Variants in DNAAF4 observed in about 807,000 individuals in gnomAD.
DNAAF4 encodes dynein axonemal assembly factor 4.
A neutral mutation model predicts 51.8 loss-of-function variants in DNAAF4; 43 were observed. The observed-to-expected ratio is 0.83, with a 90% CI of 0.65 to 1.07. The LOEUF (loss-of-function observed/expected upper bound fraction) is 1.07, where lower values mean the gene tolerates loss of function less well. Ranked by LOEUF, DNAAF4 falls within the 50% of genes least tolerant of loss-of-function variation. The pLI, the probability that DNAAF4 is intolerant of heterozygous loss-of-function variation, is 0.00. For missense variants in DNAAF4, 581 were observed against 493.0 expected, an observed-to-expected ratio of 1.18 and a Z score of -1.69; for synonymous variants, 194 against 165.6, an observed-to-expected ratio of 1.17 and a Z score of -1.32.
chr15:55,496,254 G>A (rs968317410), intron 3 of DNAAF4, among the ~76,000 whole-genome samples: 2 of 151,962 alleles, frequency 1.3e-5, no homozygotes, highest in African/African-American at 4.8e-5. Context: ...ACAACAACTG[G>A]GGATTTCAAC....
intron 4 of DNAAF4, among the ~76,000 whole-genome samples, chr15:55,488,220 A>G (rs1203886042): frequency 6.6e-6 from 1 of 152,106 alleles, no homozygotes; most frequent in East Asian, 1.9e-4. Flanking sequence ...ATGAGAAAAT[A>G]AATTTCTGTT....
At chr15:55,489,100 A>AC (rs2058533381) in intron 4 of DNAAF4, among the ~76,000 whole-genome samples, 1 of 151,796 alleles carries the variant, frequency 6.6e-6, no homozygotes, top group African/African-American at 2.4e-5. Flanking sequence ...AAAAAAAAAA[A>AC]CAAAAAACAA....
rs144791174 is a variant in DNAAF4 at position 55,500,141 on chromosome 15, C to G, written c.-255-1557G>C. 1.4e-3 allele frequency among the ~76,000 whole-genome samples: 213 copies of G among 152,112 alleles called. 2 individuals carry two copies. Among genetic ancestry groups the G allele is most frequent in the African/African-American group, 4.9e-3 (204 of 41,498 alleles). ...TTTTAAACTTATTTACTTTTGGAAG[C>G]CTTTCTTTCACACAAATTTCAATGC... On this transcript the variant is annotated intron_variant, in intron 1 of 9. Coordinates refer to ENST00000321149, the MANE Select transcript of DNAAF4 (RefSeq NM_130810.4).
chr15:55,422,561 A>T (rs947294923), intron 7 of DNAAF4, among the ~76,000 whole-genome samples: 1 of 152,174 alleles, frequency 6.6e-6, no homozygotes, highest in Non-Finnish European at 1.5e-5. Flanking sequence ...AAATTAGAAG[A>T]CTGTGAGGCC....
At chr15:55,433,331 C>T (rs2057526336) in intron 8 of DNAAF4, among the ~76,000 whole-genome samples, 1 of 152,026 alleles carries the variant, frequency 6.6e-6, no homozygotes, top group African/African-American at 2.4e-5. Context: ...AAGGCCTCGG[C>T]CGGGTGTGGT....
At chr15:55,507,432 C>T (rs2058732741) in intron 1 of DNAAF4, among the ~76,000 whole-genome samples, 1 of 152,082 alleles carries the variant, frequency 6.6e-6, no homozygotes, top group Non-Finnish European at 1.5e-5. Context: ...GTCTAATATA[C>T]CCTGTAATTT....
intron 4 of DNAAF4, among the ~76,000 whole-genome samples, chr15:55,479,101 G>C (rs1370451027): frequency 6.6e-6 from 1 of 150,728 alleles, no homozygotes; most frequent in African/African-American, 2.4e-5. Flanking sequence ...TTTTCCCCTG[G>C]GAAGGCTATA....
At chr15:55,441,322 G>A (rs1351778829) in intron 6 of DNAAF4, among the ~76,000 whole-genome samples, 3 of 150,876 alleles carry the variant, frequency 2.0e-5, no homozygotes, top group Non-Finnish European at 3.0e-5. Context: ...TGCCCACCTC[G>A]GCCTCCCAAA....
rs184280779 is a variant in DNAAF4, at chr15:55,487,605, G to A, written c.405+3518C>T. ...ACCTTTAAGAGCTGTAACAGTCACCGTGAGGGTCTGCAGCTTAATTCCTGA... is the reference window on the plus strand; with the variant it reads ...ACCTTTAAGAGCTGTAACAGTCACCATGAGGGTCTGCAGCTTAATTCCTGA... On this transcript the variant is annotated intron_variant, in intron 4 of 9. Coordinates refer to ENST00000321149, the MANE Select transcript of DNAAF4 (RefSeq NM_130810.4). 5.9e-5 allele frequency among the ~76,000 whole-genome samples: 9 copies of A among 152,152 alleles called. No individual in the cohort carries two copies. In the South Asian group the frequency reaches 6.2e-4, roughly 11 times the overall value.
At chr15:55,439,320 G>C (rs2057669377) in intron 7 of DNAAF4, 152 bp downstream of exon 7, 2 of 598,660 alleles carry the variant, frequency 3.3e-6, no homozygotes, top group Non-Finnish European at 5.9e-6. Flanking sequence ...TTGTTGCCCA[G>C]GTTGGTCTCA....
chr15:55,418,457 C>G (rs1165613539), intron 7 of DNAAF4: 16 of 1,520,450 alleles, frequency 1.1e-5, no homozygotes, highest in Non-Finnish European at 1.3e-5. Flanking sequence ...TCCAAAGGAG[C>G]AAGTATTTTC....
intron 4 of DNAAF4, among the ~76,000 whole-genome samples, chr15:55,480,310 C>T (rs942956188): frequency 3.3e-5 from 5 of 152,224 alleles, no homozygotes; most frequent in East Asian, 1.9e-4. Context: ...AAAGAACCTA[C>T]GTTGAAATAC....
chr15:55,504,847 G>A (rs964789381), intron 1 of DNAAF4, among the ~76,000 whole-genome samples: 5 of 152,178 alleles, frequency 3.3e-5, no homozygotes, highest in African/African-American at 1.2e-4. Flanking sequence ...ATACCATTTA[G>A]GACATAGGCA....
intron 5 of DNAAF4, among the ~76,000 whole-genome samples, chr15:55,462,262 C>T (rs1167859229): frequency 4.0e-5 from 6 of 150,208 alleles, no homozygotes; most frequent in African/African-American, 1.2e-4. Context: ...GGTGAGATCT[C>T]GGCTCATTGC....
chr15:55,443,786 T>G (rs1230194860), intron 6 of DNAAF4, among the ~76,000 whole-genome samples: 1 of 152,252 alleles, frequency 6.6e-6, no homozygotes, highest in Non-Finnish European at 1.5e-5. Flanking sequence ...TTTGCATTTC[T>G]CTGATGGCCA....
In DNAAF4 at chr15:55,432,542, C is replaced by T; in HGVS notation, c.1108G>A (p.Val370Ile). The T allele has an allele frequency of 1.2e-6, 2 of 1,612,796 alleles. No individual in the cohort carries two copies. Among genetic ancestry groups the T allele is most frequent in the Non-Finnish European group, 1.7e-6 (2 of 1,179,104 alleles). The part of the protein sequence containing the change: ...DNANARMKAH[V>I]RRGTAFCQLE... ...TGACAGAATGCTGTTCCACGTCGTA[C>T]ATGTGCCTTCATTCTTGCATTAGCA... Residue 370 changes from valine (V) to isoleucine (I), a missense_variant, in exon 9 of 10, where the codon GTA (valine) becomes ATA (isoleucine). Transcript: ENST00000321149.
intron 5 of DNAAF4, among the ~76,000 whole-genome samples, chr15:55,452,881 G>A (rs1030259775): frequency 7.2e-5 from 11 of 152,098 alleles, no homozygotes; most frequent in African/African-American, 2.7e-4. Flanking sequence ...GTGGGGAGGT[G>A]GAAATGAAAC....
At chr15:55,496,754 T>C (rs530968229) in intron 3 of DNAAF4, among the ~76,000 whole-genome samples, 5 of 151,804 alleles carry the variant, frequency 3.3e-5, no homozygotes, top group South Asian at 2.1e-4. Context: ...TTTTTTTTTT[T>C]CTAAAACAGC....
chr15:55,448,491 C>T (rs1367606480), intron 6 of DNAAF4, among the ~76,000 whole-genome samples: 3 of 137,574 alleles, frequency 2.2e-5, no homozygotes, highest in Non-Finnish European at 3.1e-5. Context: ...CAGAGCAAGA[C>T]CCCCAACTCA....
Sources: gnomAD v4.1 joint callset for allele counts (sites outside exome capture counted in the v4.1 genomes callset) on GRCh38, gnomAD v4.1.1 for gene constraint, MANE v1.5 for transcripts, NCBI Gene and HGNC (gene_info 2026-07-23, HGNC 2026-07-21) for gene names.